The following PHACTR4 variants were observed in gnomAD, a reference collection of about 807,000 sequenced individuals.
PHACTR4 encodes phosphatase and actin regulator 4, also known as protein phosphatase 1, regulatory subunit 124.
PHACTR4 carries 51 observed loss-of-function variants against 72.7 expected under a neutral mutation model. The observed-to-expected ratio is 0.70, with a 90% CI of 0.56 to 0.89. The LOEUF is 0.89. Ranked by LOEUF, PHACTR4 falls within the 40% of genes least tolerant of loss-of-function variation. The probability of loss-of-function intolerance (pLI) is 0.00; values close to 1 mark genes in which losing one functional copy is unlikely to be tolerated. For missense variants in PHACTR4, 731 were observed against 861.8 expected, an observed-to-expected ratio of 0.85 and a Z score of 1.90; for synonymous variants, 255 against 302.5, an observed-to-expected ratio of 0.84 and a Z score of 1.63.
At chr1:28,448,475 G>A (rs566134260) in intron 2 of PHACTR4, among the ~76,000 whole-genome samples, 2 of 151,286 alleles carry the variant, frequency 1.3e-5, no homozygotes, top group Admixed American at 6.6e-5. Context: ...TAAGGTGGCC[G>A]GGCGCTGTGT....
intron 2 of PHACTR4, chr1:28,453,623 C>T: frequency 3.2e-6 from 4 of 1,245,134 alleles, no homozygotes; most frequent in Non-Finnish European, 4.6e-6. Flanking sequence ...TGAGGTGAAA[C>T]AAATAGAGAA....
At chr1:28,473,266 AC>A in intron 6 of PHACTR4, among the ~76,000 whole-genome samples, 1 of 134,002 alleles carries the variant, frequency 7.5e-6, no homozygotes, top group East Asian at 2.2e-4. Flanking sequence ...AGAGAGTGAG[AC>A]CCTGTCTCAA....
At chr1:28,380,208 T>C (rs1652053313) in intron 1 of PHACTR4, among the ~76,000 whole-genome samples, 5 of 150,372 alleles carry the variant, frequency 3.3e-5, no homozygotes, top group South Asian at 2.1e-4. Context: ...AGGCGTCCGC[T>C]ACCACGCCCG....
rs1654209153 is a variant in PHACTR4, at chr1:28,404,852, G to C, written c.-38-2558G>C. On this transcript the variant is annotated intron_variant, in intron 1 of 13. Transcript: ENST00000373839. ...GTGTGTTACGGGGGTTTGGTGTACA[G>C]ATAATTTAGTCACCCCGGTAATAAC... 2.0e-5 allele frequency among the ~76,000 whole-genome samples: 3 copies of C among 152,084 alleles called. No homozygotes were observed. In the South Asian group the frequency reaches 6.2e-4, roughly 32 times the overall value.
intron 2 of PHACTR4, chr1:28,453,533 TG>T (rs1199715628): frequency 3.3e-6 from 2 of 614,388 alleles, no homozygotes; most frequent in African/African-American, 1.8e-5. Flanking sequence ...GTGGCTGGGC[TG>T]GGGAAATGGC....
chr1:28,474,320 T>G (rs557450501), intron 7 of PHACTR4, among the ~76,000 whole-genome samples, 169 bp downstream of exon 7: 1 of 151,848 alleles, frequency 6.6e-6, no homozygotes, highest in South Asian at 2.1e-4. Flanking sequence ...GGTCAGGAGT[T>G]CAAGACCAGC....
chr1:28,385,906 C>A lies in PHACTR4; in HGVS notation c.-39+16081C>A, dbSNP rs540420441. On this transcript the variant is annotated intron_variant, in intron 1 of 13. Transcript: ENST00000373839. ...CTGGGATTACAGACGTAAGCCACCA[C>A]GCCCGGCTGGTTTTAAGTGAATTTC... 3.3e-5 allele frequency among the ~76,000 whole-genome samples: 5 copies of A among 152,106 alleles called. No homozygotes were observed. In the East Asian group the frequency reaches 9.7e-4, roughly 30 times the overall value.
chr1:28,490,961 A>G lies in PHACTR4; in HGVS notation c.1827A>G (p.Glu609=), dbSNP rs372178701. The change falls in exon 11 of 14, where the codon GAA becomes GAG. Residue 609 remains glutamate (E), a synonymous_variant. Coordinates refer to ENST00000373839, the MANE Select transcript of PHACTR4 (RefSeq NM_001048183.3). Reference sequence around the variant, plus strand: ...GATTGTCAACTGTAGCTAAAAATGAAGCTGATCGTCAGGCAGAAAAACGAG... The same window carrying G: ...GATTGTCAACTGTAGCTAAAAATGAGGCTGATCGTCAGGCAGAAAAACGAG... ...EQRNILQPKN[E]ADRQAEKREI... is the part of the protein sequence containing the mutation. 6 of 1,613,916 alleles carry G rather than the reference A, an allele frequency of 3.7e-6. No homozygotes were observed. Among genetic ancestry groups the G allele is most frequent in the Non-Finnish European group, 5.1e-6 (6 of 1,179,880 alleles).
rs571646275 is a variant in PHACTR4, at chr1:28,452,389, C to G, written c.17-6696C>G. On this transcript the variant is annotated intron_variant, in intron 2 of 13. Coordinates refer to ENST00000373839, the MANE Select transcript of PHACTR4 (RefSeq NM_001048183.3). ...GGTGTGGTGGCACATGCCTGTTGTCCCAGCTACTCAGACAGCTGAGGTGGG... is the reference window on the plus strand; with the variant it reads ...GGTGTGGTGGCACATGCCTGTTGTCGCAGCTACTCAGACAGCTGAGGTGGG... Among the ~76,000 whole-genome samples, 11 of 152,246 alleles carry G rather than the reference C, an allele frequency of 7.2e-5. 1 individual carries two copies. In the East Asian group the frequency reaches 2.1e-3, roughly 29 times the overall value.
chr1:28,495,434 A>G (rs189477419), intron 13 of PHACTR4, among the ~76,000 whole-genome samples: 98 of 152,172 alleles, frequency 6.4e-4, no homozygotes, highest in Admixed American at 1.2e-3. Flanking sequence ...AGAAGAAGGC[A>G]GACAATGAAC....
At chr1:28,471,384 G>A (rs1659551519) in intron 6 of PHACTR4, among the ~76,000 whole-genome samples, 1 of 152,118 alleles carries the variant, frequency 6.6e-6, no homozygotes, top group South Asian at 2.1e-4. Flanking sequence ...CTTTTACTTT[G>A]AACATCTCCA....
chr1:28,453,175 C>T (rs1361329491), intron 2 of PHACTR4, among the ~76,000 whole-genome samples: 1 of 152,074 alleles, frequency 6.6e-6, no homozygotes, highest in African/African-American at 2.4e-5. Flanking sequence ...ATATACTGTA[C>T]TGCTGTAATT....
At chr1:28,415,025 C>T (rs1404708131) in intron 2 of PHACTR4, among the ~76,000 whole-genome samples, 1 of 152,004 alleles carries the variant, frequency 6.6e-6, no homozygotes, top group Non-Finnish European at 1.5e-5. Flanking sequence ...CTTTGGGAGG[C>T]CGAGGTGGAC....
At chr1:28,419,019 T>G (rs1458337771) in intron 2 of PHACTR4, among the ~76,000 whole-genome samples, 2 of 84,826 alleles carry the variant, frequency 2.4e-5, no homozygotes, top group Non-Finnish European at 4.7e-5. Context: ...ACTAATAACA[T>G]TTTGATATAT....
intron 4 of PHACTR4, among the ~76,000 whole-genome samples, chr1:28,464,261 C>T (rs1188745437): frequency 1.3e-5 from 2 of 152,254 alleles, no homozygotes; most frequent in Non-Finnish European, 2.9e-5. Flanking sequence ...CCACTACACC[C>T]GGCCCCCCAT....
chr1:28,456,335 CA>C (rs1367732870), intron 2 of PHACTR4, among the ~76,000 whole-genome samples: 6 of 152,324 alleles, frequency 3.9e-5, no homozygotes, highest in African/African-American at 1.4e-4. Flanking sequence ...AGAACTCACT[CA>C]CTATTGCTAA....
intron 13 of PHACTR4, 25 bp from the exon 14 acceptor site, chr1:28,496,509 T>A (rs761898602): frequency 1.2e-6 from 2 of 1,612,690 alleles, no homozygotes; most frequent in Non-Finnish European, 1.7e-6. Flanking sequence ...ATGTGGTAAC[T>A]TGTCTCTTTT....
chr1:28,418,534 T>C (rs1458646009), intron 2 of PHACTR4, among the ~76,000 whole-genome samples: 1 of 152,028 alleles, frequency 6.6e-6, no homozygotes, highest in Non-Finnish European at 1.5e-5. Context: ...TCTATTCCAC[T>C]TAATACAGCT....
intron 4 of PHACTR4, 41 bp from the exon 5 acceptor site, chr1:28,465,644 A>C: frequency 6.4e-7 from 1 of 1,573,914 alleles, no homozygotes; most frequent in Non-Finnish European, 8.6e-7. Context: ...CTATCTGTTC[A>C]TGCCAACTTC....
Sources: allele counts gnomAD v4.1 joint callset (sites outside exome capture counted in the v4.1 genomes callset), GRCh38; gene constraint gnomAD v4.1.1; transcripts MANE v1.5; gene names NCBI Gene and HGNC (gene_info 2026-07-23, HGNC 2026-07-21).